Variants in TPR observed in about 807,000 individuals in gnomAD.
TPR encodes the protein translocated promoter region, nuclear basket protein.
A neutral mutation model predicts 316.1 loss-of-function variants in TPR; 51 were observed. The ratio of observed to expected loss-of-function variants is 0.16; its 90% CI spans 0.13 to 0.20. The LOEUF is 0.20. Ranked by LOEUF, TPR falls within the 10% of genes least tolerant of loss-of-function variation. The probability of loss-of-function intolerance (pLI) is 1.00; values close to 1 mark genes in which losing one functional copy is unlikely to be tolerated. For synonymous variants in TPR, 981 were observed against 914.7 expected, an observed-to-expected ratio of 1.07 and a Z score of -1.31; for missense variants, 2,272 against 2,754.8, an observed-to-expected ratio of 0.82 and a Z score of 3.92.
At position 186,360,902 on chromosome 1, in the gene TPR, T is replaced by C. The variant is rs1213297748; in HGVS notation, c.962A>G (p.Asn321Ser). The change falls in exon 10 of 51, where the codon AAC (asparagine) becomes AGC (serine). Residue 321 changes from asparagine to serine, a missense_variant. Around this residue, in one of 10 missense-constraint regions of TPR, gnomAD observed 549 missense variants for 598.6 expected, o/e 0.92. Transcript: ENST00000367478. ...HKLLKEAGEA[N>S]KAIQDHLLEV... ...TAGAAGATGATCTTGTATTGCTTTGTTGGCTAAAAAACAATTTTAAAGACC... is the reference window on the plus strand; with the variant it reads ...TAGAAGATGATCTTGTATTGCTTTGCTGGCTAAAAAACAATTTTAAAGACC... 3.7e-6 allele frequency: 6 copies of C among 1,605,744 alleles called. No homozygotes were observed. The highest frequency in any genetic ancestry group is 2.2e-5 in the South Asian group (2 of 89,790).
At chr1:186,326,588 A>T (rs1324024126) in intron 40 of TPR, among the ~76,000 whole-genome samples, 1 of 152,090 alleles carries the variant, frequency 6.6e-6, no homozygotes, top group Non-Finnish European at 1.5e-5. Context: ...TATTTAAAAA[A>T]TGTTTATTAA....
chr1:186,352,469 A>G (rs1018163431), intron 18 of TPR, among the ~76,000 whole-genome samples: 2 of 152,236 alleles, frequency 1.3e-5, no homozygotes, highest in African/African-American at 4.8e-5. Context: ...TGTAACTTTT[A>G]GAATCCAAGC....
intron 4 of TPR, among the ~76,000 whole-genome samples, chr1:186,365,717 C>T (rs1426451632): frequency 6.6e-6 from 1 of 152,178 alleles, no homozygotes; most frequent in Non-Finnish European, 1.5e-5. Flanking sequence ...ATAATAAATT[C>T]CTGTTGGAGG....
At position 186,346,120 on chromosome 1, in the gene TPR, G is replaced by C. The variant is rs146593477; in HGVS notation, c.3096+15C>G. On this transcript the variant is annotated intron_variant, in intron 23 of 50. Coordinates refer to ENST00000367478, the MANE Select transcript of TPR (RefSeq NM_003292.3). Reference sequence around the variant, plus strand: ...TACAAGTTAAAAAAAAAATTAATACGGTTAACCTATTTACCTGTTGTTCCA... The same window carrying C: ...TACAAGTTAAAAAAAAAATTAATACCGTTAACCTATTTACCTGTTGTTCCA... 412 of 1,579,434 alleles carry C rather than the reference G, an allele frequency of 2.6e-4. 1 individual carries two copies. In the African/African-American group the frequency reaches 4.8e-3, roughly 19 times the overall value.
rs1468379618 is a variant in TPR at position 186,311,944 on chromosome 1, GAAATT to G, written c.*2022_*2026del. On this transcript the variant is annotated 3_prime_UTR_variant, in exon 51 of 51. Coordinates refer to ENST00000367478, the MANE Select transcript of TPR (RefSeq NM_003292.3). ...AACTGAGCACTTGTCACTTTCAATTGAAATTAAATATATAACTATGTAATTTGCTG... is the reference window on the plus strand; with the variant it reads ...AACTGAGCACTTGTCACTTTCAATTGAAATATATAACTATGTAATTTGCTG... 27 of 543,914 alleles carry G rather than the reference GAAATT, an allele frequency of 5.0e-5. No homozygotes were observed. The highest frequency in any genetic ancestry group is 4.8e-4 in the Middle Eastern group (1 of 2,068). The allele number at this position is 543,914 out of a possible 1,614,324, so 33.7% of individuals were successfully genotyped here.
At chr1:186,353,270 G>A (rs960106250) in intron 18 of TPR, among the ~76,000 whole-genome samples, 52 of 152,042 alleles carry the variant, frequency 3.4e-4, no homozygotes, top group African/African-American at 1.3e-3. Context: ...TACTCAGGAG[G>A]TTGAGGCAGG....
chr1:186,341,415 A>G, intron 27 of TPR, 26 bp from the exon 28 acceptor site: 1 of 1,603,064 alleles, frequency 6.2e-7, no homozygotes, highest in South Asian at 1.1e-5. Context: ...AAATATACAT[A>G]CCAACATCTA....
Position 186,344,545 on chromosome 1 carries a change from C to G in TPR, c.3247G>C (p.Glu1083Gln). ...KIAVEAQNKY[E>Q]RELMLHAADV... ...GCAGCATGCAGCATCAATTCTCTCT[C>G]ATACTTATTCTGAGCTTCCACAGCT... Residue 1083 changes from glutamate (E) to glutamine (Q), a missense_variant, in exon 25 of 51, where the codon GAG (glutamate) becomes CAG (glutamine). Transcript: ENST00000367478. 4.4e-6 allele frequency: 7 copies of G among 1,592,164 alleles called. No individual in the cohort carries two copies. Among genetic ancestry groups the G allele is most frequent in the Non-Finnish European group, 6.0e-6 (7 of 1,169,974 alleles).
At position 186,312,138 on chromosome 1, in the gene TPR, A is replaced by C. The variant is rs865966866; in HGVS notation, c.*1833T>G. Reference sequence around the variant, plus strand: ...ACCTTTTCTGAGGGTATTAAAATTAATTTTCATTTTCCATGTGATATTCTA... The same window carrying C: ...ACCTTTTCTGAGGGTATTAAAATTACTTTTCATTTTCCATGTGATATTCTA... On this transcript the variant is annotated 3_prime_UTR_variant, in exon 51 of 51. Transcript: ENST00000367478. 1.3e-6 allele frequency: 2 copies of C among 1,587,680 alleles called. No homozygotes were observed. Among genetic ancestry groups the C allele is most frequent in the African/African-American group, 1.3e-5 (1 of 74,324 alleles).
At chr1:186,360,073 C>T in intron 11 of TPR, 77 bp from the exon 12 acceptor site, 2 of 1,465,172 alleles carry the variant, frequency 1.4e-6, no homozygotes, top group South Asian at 1.2e-5. Context: ...TCATAATAAA[C>T]ATTCTTTAAC....
At chr1:186,362,244 G>C (rs758931885) in intron 7 of TPR, 44 bp downstream of exon 7, 7 of 1,480,390 alleles carry the variant, frequency 4.7e-6, no homozygotes, top group Admixed American at 1.8e-5. Context: ...CTTCGTAAGT[G>C]CTTTAGTATT....
In TPR at chr1:186,337,172, GTAA is replaced by G; in HGVS notation, c.4363-19_4363-17del. 1.9e-6 allele frequency: 3 copies of G among 1,604,534 alleles called. No individual in the cohort carries two copies. The highest frequency in any genetic ancestry group is 2.6e-6 in the Non-Finnish European group (3 of 1,174,218). On this transcript the variant is annotated splice_polypyrimidine_tract_variant and intron_variant, in intron 31 of 50. Transcript: ENST00000367478. ...TCTCCATAACCTAAGACAACAAACA[GTAA>G]TAATACACTCACATATTTATATTCA...
At chr1:186,351,887 A>C in intron 19 of TPR, 89 bp downstream of exon 19, 3 of 1,448,980 alleles carry the variant, frequency 2.1e-6, no homozygotes, top group Non-Finnish European at 1.9e-6. Context: ...GTGATGGATA[A>C]ATTTTCTAAT....
In TPR at chr1:186,375,014, C is replaced by T. The variant is rs770551297; in HGVS notation, c.15G>A (p.Leu5=). ...GCTCCGTGCGCTCCAGGACTTGCTG[C>T]AACACCGCCGCCATGTCGGTGGGGC... is the stretch of plus-strand genomic sequence containing the variant. MAAV[L]QQVLERTELN... The change falls in exon 1 of 51, where the codon TTG becomes TTA. Residue 5 remains leucine (L), a synonymous_variant. Transcript: ENST00000367478. 1 of 1,613,932 alleles carries T rather than the reference C, an allele frequency of 6.2e-7. No individual in the cohort carries two copies. The highest frequency in any genetic ancestry group is 1.1e-5 in the South Asian group (1 of 91,090).
intron 12 of TPR, 115 bp downstream of exon 12, chr1:186,359,684 A>T: frequency 9.5e-7 from 1 of 1,052,144 alleles, no homozygotes; most frequent in Non-Finnish European, 1.3e-6. Context: ...AAATGTGTTT[A>T]TTGAAAATCG....
At chr1:186,339,545 T>C (rs2102070897) in intron 30 of TPR, 97 bp downstream of exon 30, 1 of 1,084,814 alleles carries the variant, frequency 9.2e-7, no homozygotes, top group Non-Finnish European at 1.2e-6. Flanking sequence ...CTTTCCATTC[T>C]TTCTAAAACC....
chr1:186,326,373 A>G, intron 40 of TPR, 138 bp from the exon 41 acceptor site: 4 of 1,309,596 alleles, frequency 3.1e-6, no homozygotes, highest in Non-Finnish European at 4.1e-6. Flanking sequence ...GTATGGGATT[A>G]GTACAGCAGC....
At chr1:186,329,315 G>T (rs992861493) in intron 39 of TPR, among the ~76,000 whole-genome samples, 2 of 152,154 alleles carry the variant, frequency 1.3e-5, no homozygotes, top group African/African-American at 4.8e-5. Context: ...AGATGAAAAA[G>T]ATATCATTTA....
chr1:186,340,929 A>C, intron 29 of TPR, 99 bp downstream of exon 29: 4 of 1,427,570 alleles, frequency 2.8e-6, no homozygotes, highest in Non-Finnish European at 3.8e-6. Context: ...TAAACACAGT[A>C]ATTTTCACTA....
Sources: allele counts gnomAD v4.1 joint callset (sites outside exome capture counted in the v4.1 genomes callset), GRCh38; gene constraint gnomAD v4.1.1; regional missense constraint gnomAD v4.1.1; transcripts MANE v1.5; gene names NCBI Gene and HGNC (gene_info 2026-07-23, HGNC 2026-07-21).